The following LMBR1 variants were observed in gnomAD, a reference collection of about 807,000 sequenced individuals.
The protein encoded by LMBR1 is limb region 1 protein homolog.
A neutral mutation model predicts 73.9 loss-of-function variants in LMBR1; 52 were observed. The observed-to-expected ratio is 0.70, with a 90% CI of 0.56 to 0.89. LMBR1 has a LOEUF of 0.89. LMBR1 is among the 40% of genes least tolerant of loss of function. LMBR1 has a pLI of 0.00. For missense variants in LMBR1, 539 were observed against 579.8 expected, an observed-to-expected ratio of 0.93 and a Z score of 0.72; for synonymous variants, 215 against 209.4, an observed-to-expected ratio of 1.03 and a Z score of -0.23.
intron 5 of LMBR1, among the ~76,000 whole-genome samples, chr7:156,784,000 T>TTG (rs201001093): frequency 4.1e-5 from 6 of 146,074 alleles, no homozygotes; most frequent in Admixed American, 6.8e-5. Context: ...TTTTTTCTGT[T>TTG]TTTTTTTTTT....
intron 5 of LMBR1, among the ~76,000 whole-genome samples, chr7:156,767,225 G>A (rs570499570): frequency 2.0e-5 from 3 of 152,204 alleles, no homozygotes; most frequent in South Asian, 2.1e-4. Context: ...TCAAACTCAC[G>A]GCTCTGCTGA....
chr7:156,892,712 G>A (rs1437719058), intron 1 of LMBR1: 9 of 369,478 alleles, frequency 2.4e-5, no homozygotes, highest in East Asian at 2.3e-4. Context: ...GGGGCAGGCA[G>A]AGGAAGCGAA....
intron 3 of LMBR1, among the ~76,000 whole-genome samples, chr7:156,830,229 A>C (rs970140758): frequency 2.0e-5 from 3 of 152,234 alleles, no homozygotes; most frequent in Admixed American, 1.3e-4. Flanking sequence ...ACAAAAAATA[A>C]ATGCTTTTTA....
chr7:156,712,596 A>G (rs1043738576), intron 15 of LMBR1, among the ~76,000 whole-genome samples: 1 of 152,244 alleles, frequency 6.6e-6, no homozygotes, highest in Non-Finnish European at 1.5e-5. Context: ...ACAATAGCAA[A>G]GATATGGAAT....
chr7:156,711,819 C>A (rs1213742507), intron 15 of LMBR1, among the ~76,000 whole-genome samples: 2 of 152,156 alleles, frequency 1.3e-5, no homozygotes, highest in South Asian at 2.1e-4. Flanking sequence ...AGAAACTGGA[C>A]CCCTATCTCT....
intron 1 of LMBR1, among the ~76,000 whole-genome samples, chr7:156,892,153 T>C (rs1018809094): frequency 3.3e-5 from 5 of 152,186 alleles, no homozygotes; most frequent in Non-Finnish European, 5.9e-5. Flanking sequence ...ACATGGAACA[T>C]GGGCCAAAAA....
chr7:156,725,396 G>T, intron 14 of LMBR1, 39 bp downstream of exon 14: 1 of 1,234,558 alleles, frequency 8.1e-7, no homozygotes, highest in Non-Finnish European at 1.2e-6. Flanking sequence ...GTCAGGGAAG[G>T]CAAACGAGAG....
At chr7:156,786,294 G>C (rs966679974) in intron 5 of LMBR1, among the ~76,000 whole-genome samples, 1 of 150,670 alleles carries the variant, frequency 6.6e-6, no homozygotes, top group Non-Finnish European at 1.5e-5. Context: ...GAAGGAGGGA[G>C]GGGAAAAAAG....
At chr7:156,814,147 C>T (rs964774370) in intron 4 of LMBR1, among the ~76,000 whole-genome samples, 1 of 152,178 alleles carries the variant, frequency 6.6e-6, no homozygotes, top group Non-Finnish European at 1.5e-5. Context: ...AAATTCCTCA[C>T]AAATTCCACA....
At position 156,699,788 on chromosome 7, in the gene LMBR1, A is replaced by C. The variant is rs1220858671; in HGVS notation, c.1226-11597T>G. Among the ~76,000 whole-genome samples the C allele has an allele frequency of 3.3e-5, 5 of 152,238 alleles. No individual in the cohort carries two copies. In the East Asian group the frequency reaches 9.6e-4, roughly 29 times the overall value. On this transcript the variant is annotated intron_variant, in intron 15 of 16. Transcript: ENST00000353442. ...AAAGAAGACATTTATGCAGCCAAAA[A>C]ACACATGAAAAAATGCTCATCATCA...
intron 9 of LMBR1, among the ~76,000 whole-genome samples, chr7:156,753,773 G>A (rs1011888222): frequency 2.6e-5 from 4 of 152,126 alleles, no homozygotes; most frequent in African/African-American, 4.8e-5. Flanking sequence ...GCCGCCTGCC[G>A]AGATCACAGT....
intron 15 of LMBR1, among the ~76,000 whole-genome samples, chr7:156,708,248 T>C (rs1811378779): frequency 6.6e-6 from 1 of 152,090 alleles, no homozygotes; most frequent in African/African-American, 2.4e-5. Context: ...AAACAAAGAA[T>C]TCACGAATCC....
chr7:156,681,308 G>A lies in LMBR1; in HGVS notation c.*2770C>T, dbSNP rs998597268. 1.1e-5 allele frequency: 4 copies of A among 374,590 alleles called. No individual in the cohort carries two copies. Among genetic ancestry groups the A allele is most frequent in the African/African-American group, 2.2e-5 (1 of 46,260 alleles). The allele number at this position is 374,590 out of a possible 1,614,324, so 23.2% of individuals were successfully genotyped here. ...TTTAACACATCTGAGAGCAAAACGCGAGAGGCTCCGTCCATCTCTACTAAC... is the reference window on the plus strand; with the variant it reads ...TTTAACACATCTGAGAGCAAAACGCAAGAGGCTCCGTCCATCTCTACTAAC... On this transcript the variant is annotated 3_prime_UTR_variant, in exon 17 of 17. Coordinates refer to ENST00000353442, the MANE Select transcript of LMBR1 (RefSeq NM_022458.4).
intron 1 of LMBR1, among the ~76,000 whole-genome samples, chr7:156,864,188 G>C (rs1012860638): frequency 6.6e-5 from 10 of 152,042 alleles, no homozygotes; most frequent in Admixed American, 1.3e-4. Flanking sequence ...AAAATAGCTA[G>C]TGAAAAGAAA....
chr7:156,869,869 C>G (rs1415721693), intron 1 of LMBR1, among the ~76,000 whole-genome samples: 1 of 151,948 alleles, frequency 6.6e-6, no homozygotes, highest in Non-Finnish European at 1.5e-5. Flanking sequence ...TGGGAAAAAC[C>G]GTCACATGAA....
At position 156,679,206 on chromosome 7, in the gene LMBR1, GGTGACT is replaced by G. The variant is rs1482340417; in HGVS notation, c.*4866_*4871del. ...TTCGGCTTCGCAAGGTGGTCCTGGG[GGTGACT>G]GTGGGACGACAAAGAACTCGACCCT... On this transcript the variant is annotated 3_prime_UTR_variant, in exon 17 of 17. Transcript: ENST00000353442. 6.6e-6 allele frequency: 1 copy of G among 152,136 alleles called. No individual in the cohort carries two copies. Among genetic ancestry groups the G allele is most frequent in the Non-Finnish European group, 1.5e-5 (1 of 68,038 alleles). The allele number at this position is 152,136 out of a possible 1,614,324, so 9.4% of individuals were successfully genotyped here. A position where few individuals can be genotyped will look rare whatever the true frequency, so the allele number is the denominator to read the frequency against.
chr7:156,723,816 G>A (rs1182701564), intron 15 of LMBR1, among the ~76,000 whole-genome samples: 1 of 152,004 alleles, frequency 6.6e-6, no homozygotes, highest in African/African-American at 2.4e-5. Flanking sequence ...CCTCACTAGA[G>A]GACTCGAAAG....
intron 5 of LMBR1, among the ~76,000 whole-genome samples, chr7:156,794,650 T>C (rs1304513935): frequency 6.6e-6 from 1 of 152,214 alleles, no homozygotes. Context: ...AGATACTGTT[T>C]ATAATGTCAA....
At chr7:156,727,740 TC>T (rs1358146486) in intron 12 of LMBR1, among the ~76,000 whole-genome samples, 189 bp downstream of exon 12, 2 of 152,018 alleles carry the variant, frequency 1.3e-5, no homozygotes, top group African/African-American at 4.8e-5. Context: ...GCCCTGTCAA[TC>T]CAAAGTAAAA....
Sources: allele counts gnomAD v4.1 joint callset (sites outside exome capture counted in the v4.1 genomes callset), GRCh38; gene constraint gnomAD v4.1.1; transcripts MANE v1.5; gene names NCBI Gene and HGNC (gene_info 2026-07-23, HGNC 2026-07-21).